KIRREL3: variants seen among roughly 807,000 people sequenced by gnomAD.
The protein encoded by KIRREL3 is kirre like nephrin family adhesion molecule 3.
KIRREL3 carries 36 observed loss-of-function variants against 89.7 expected under a neutral mutation model. That is an observed-to-expected ratio of 0.40 (90% CI 0.31 to 0.53). The LOEUF (loss-of-function observed/expected upper bound fraction) is 0.53, where lower values mean the gene tolerates loss of function less well. Ranked by LOEUF, KIRREL3 falls within the 20% of genes least tolerant of loss-of-function variation. KIRREL3 has a pLI of 0.49. For missense variants in KIRREL3, 864 were observed against 1,056.6 expected (o/e 0.82, Z 2.53); for synonymous variants, 445 against 441.4 (o/e 1.01, Z -0.10).
intron 1 of KIRREL3, chr11:126,936,556 A>G (rs956323025): frequency 1.0e-5 from 1 of 95,254 alleles, no homozygotes; most frequent in African/African-American, 4.6e-5. Flanking sequence ...GCTATTCAGC[A>G]AAAAAAAAAA....
rs10893517 is a variant in KIRREL3 at position 126,474,525 on chromosome 11, C to T, written c.434-1059G>A. Among the ~76,000 whole-genome samples the T allele has an allele frequency of 0.064, 9,766 of 152,264 alleles. 516 individuals carry two copies. The highest frequency in any genetic ancestry group is 0.26 in the East Asian group (1,320 of 5,152). ...CCAGCGCTTCGGAGGGCTGTGTAAGCGCTGGCATCTCCTGAGCTCCTCACT... is the reference window on the plus strand; with the variant it reads ...CCAGCGCTTCGGAGGGCTGTGTAAGTGCTGGCATCTCCTGAGCTCCTCACT... On this transcript the variant is annotated intron_variant, in intron 4 of 16. Transcript: ENST00000525144. This position sits in a 1 kb window ranked among gnomAD's most constrained non-coding sequence, Gnocchi z 6.7.
rs1220355442 is a variant in KIRREL3, at chr11:126,896,993, G to A, written c.55+103462C>T. Among the ~76,000 whole-genome samples the A allele has an allele frequency of 1.3e-5, 2 of 152,126 alleles. No individual in the cohort carries two copies. The highest frequency in any genetic ancestry group is 1.9e-4 in the East Asian group (1 of 5,196). ...ATCAAAAGATTCTAAGAAGAGGCCA[G>A]GGAAAGAGCAGACCATCCAAGTACC... On this transcript the variant is annotated intron_variant, in intron 1 of 16. Coordinates refer to ENST00000525144, the MANE Select transcript of KIRREL3 (RefSeq NM_032531.4). This position sits in a 1 kb window ranked among gnomAD's most constrained non-coding sequence, Gnocchi z 4.1.
intron 1 of KIRREL3, among the ~76,000 whole-genome samples, chr11:126,894,963 A>G (rs750234641): frequency 7.2e-5 from 11 of 151,772 alleles, no homozygotes; most frequent in Non-Finnish European, 1.2e-4. Context: ...GTCCTGAGAT[A>G]AGATCATTCA....
rs188971161 is a variant in KIRREL3, at chr11:126,717,107, C to T, written c.56-154195G>A. Among the ~76,000 whole-genome samples, 37 of 152,272 alleles carry T rather than the reference C, an allele frequency of 2.4e-4. No homozygotes were observed. The East Asian group carries it at 5.0e-3, about 21-fold the overall frequency. Reference sequence around the variant, plus strand: ...TCAAACATCACTTTAAAACAAAGAACGCCACAAAGGGAGATTTCTTTGCCT... The same window carrying T: ...TCAAACATCACTTTAAAACAAAGAATGCCACAAAGGGAGATTTCTTTGCCT... On this transcript the variant is annotated intron_variant, in intron 1 of 16. Coordinates refer to ENST00000525144, the MANE Select transcript of KIRREL3 (RefSeq NM_032531.4).
intron 1 of KIRREL3, among the ~76,000 whole-genome samples, chr11:126,866,646 A>G (rs1944932987): frequency 6.7e-6 from 1 of 148,646 alleles, no homozygotes; most frequent in South Asian, 2.2e-4. Context: ...CACCCTCCTC[A>G]CTGCCCCCCC....
rs1940772038 is a variant in KIRREL3 at position 126,569,570 on chromosome 11, G to A, written c.56-6658C>T. On this transcript the variant is annotated intron_variant, in intron 1 of 16. Transcript: ENST00000525144. This position sits in a 1 kb window ranked among gnomAD's most constrained non-coding sequence, Gnocchi z 6.5. ...GCCCAAAGATACTATAATCCAGTTG[G>A]CTATACAAGACATATACTTAAGAAA... is the stretch of plus-strand genomic sequence containing the variant. Among the ~76,000 whole-genome samples the A allele has an allele frequency of 6.6e-6, 1 of 152,188 alleles. No individual in the cohort carries two copies. The highest frequency in any genetic ancestry group is 6.5e-5 in the Admixed American group (1 of 15,284).
At chr11:126,457,185 A>ATGTGTGTGTGTG (rs35883463) in intron 6 of KIRREL3, among the ~76,000 whole-genome samples, 214 of 143,022 alleles carry the variant, frequency 1.5e-3, no homozygotes, top group African/African-American at 5.2e-3. Context: ...AAGAGAGATT[A>ATGTGTGTGTGTG]TGTGTGTGTG....
intron 2 of KIRREL3, among the ~76,000 whole-genome samples, chr11:126,552,207 G>A (rs1029817282): frequency 4.6e-5 from 7 of 151,678 alleles, no homozygotes; most frequent in African/African-American, 1.7e-4. Context: ...ACCTTTGGAA[G>A]GGACATTGGG....
chr11:126,467,553 C>T (rs769588820), intron 5 of KIRREL3, among the ~76,000 whole-genome samples: 9 of 152,030 alleles, frequency 5.9e-5, no homozygotes, highest in East Asian at 3.9e-4. Context: ...CTGGAAAGGC[C>T]GAGAGTAGCC....
At chr11:126,584,058 A>T (rs1054025624) in intron 1 of KIRREL3, among the ~76,000 whole-genome samples, 1 of 152,224 alleles carries the variant, frequency 6.6e-6, no homozygotes, top group African/African-American at 2.4e-5. Context: ...CAGCGTGCAC[A>T]ATCTGGTGGC....
intron 1 of KIRREL3, among the ~76,000 whole-genome samples, chr11:126,741,338 C>T (rs1432450513): frequency 3.3e-5 from 5 of 152,164 alleles, no homozygotes; most frequent in Admixed American, 6.5e-5. Context: ...TTTCAATTCC[C>T]TTACTTAATA....
In KIRREL3 at chr11:126,508,989, C is replaced by T. The variant is rs1190443222; in HGVS notation, c.433+12326G>A. On this transcript the variant is annotated intron_variant, in intron 4 of 16. Coordinates refer to ENST00000525144, the MANE Select transcript of KIRREL3 (RefSeq NM_032531.4). This position sits in a 1 kb window ranked among gnomAD's most constrained non-coding sequence, Gnocchi z 4.9. ...TGGCTGAACTTAGATCTCCTCATCC[C>T]TGCCTAGTGGGGCACATGCAGGGTG... Among the ~76,000 whole-genome samples, 2 of 152,200 alleles carry T rather than the reference C, an allele frequency of 1.3e-5. No individual in the cohort carries two copies. The highest frequency in any genetic ancestry group is 2.4e-5 in the African/African-American group (1 of 41,442).
rs1459036261 is a variant in KIRREL3 at position 126,668,699 on chromosome 11, TTCTTTC to T, written c.56-105793_56-105788del. Reference sequence around the variant, plus strand: ...GCTGTTGGGAAGTTTCTGTTTTTCTTTCTTTCTTTCTTTCTTTCTTTCTTTCTTTCT... The same window carrying T: ...GCTGTTGGGAAGTTTCTGTTTTTCTTTTTCTTTCTTTCTTTCTTTCTTTCT... On this transcript the variant is annotated intron_variant, in intron 1 of 16. Transcript: ENST00000525144. The surrounding 1 kb of genome is among the most constrained non-coding windows in gnomAD (Gnocchi z 4.4). Among the ~76,000 whole-genome samples the T allele has an allele frequency of 5.1e-5, 3 of 59,288 alleles. No homozygotes were observed. The highest frequency in any genetic ancestry group is 7.9e-5 in the Non-Finnish European group (2 of 25,274). The allele number at this position is 59,288 out of a possible 152,430, so 38.9% of individuals were successfully genotyped here.
chr11:126,622,696 C>T lies in KIRREL3; in HGVS notation c.56-59784G>A, dbSNP rs1943623011. On this transcript the variant is annotated intron_variant, in intron 1 of 16. Transcript: ENST00000525144. The surrounding 1 kb of genome is among the most constrained non-coding windows in gnomAD (Gnocchi z 5.2). ...AAGAGCGAAACTCTGTCTCAAAAAA[C>T]AAAAAAACAAATAAAAACTCCACAA... 6.6e-6 allele frequency among the ~76,000 whole-genome samples: 1 copy of T among 151,954 alleles called. No individual in the cohort carries two copies. Among genetic ancestry groups the T allele is most frequent in the Non-Finnish European group, 1.5e-5 (1 of 67,972 alleles).
At chr11:126,493,910 C>T (rs759305697) in intron 4 of KIRREL3, among the ~76,000 whole-genome samples, 74 of 152,096 alleles carry the variant, frequency 4.9e-4, no homozygotes, top group Non-Finnish European at 8.7e-4. Context: ...TGCAGGCCGT[C>T]CAGCACCACC....
At chr11:126,540,963 G>A (rs996575304) in intron 2 of KIRREL3, among the ~76,000 whole-genome samples, 7 of 152,310 alleles carry the variant, frequency 4.6e-5, no homozygotes, top group African/African-American at 1.7e-4. Context: ...ATGTGTTGGA[G>A]CAGCATGGAA....
At chr11:126,577,268 A>G (rs1941302609) in intron 1 of KIRREL3, among the ~76,000 whole-genome samples, 1 of 152,108 alleles carries the variant, frequency 6.6e-6, no homozygotes, top group Admixed American at 6.5e-5. Context: ...AATTCATCAA[A>G]ATGTCACCTG....
chr11:126,532,083 C>G (rs1958961137), intron 2 of KIRREL3, among the ~76,000 whole-genome samples: 1 of 152,234 alleles, frequency 6.6e-6, no homozygotes, highest in Non-Finnish European at 1.5e-5. Context: ...GGAAGATTTA[C>G]TTGATGCCAC....
rs1401370219 is a variant in KIRREL3, at chr11:126,523,769, C to T, written c.284-2305G>A. On this transcript the variant is annotated intron_variant, in intron 3 of 16. Coordinates refer to ENST00000525144, the MANE Select transcript of KIRREL3 (RefSeq NM_032531.4). The surrounding 1 kb of genome is among the most constrained non-coding windows in gnomAD (Gnocchi z 4.9). ...GCTACCCCCAGCCCCTCCAGCCCAG[C>T]CTCTGGATCCCACTATCCTGTGATT... Among the ~76,000 whole-genome samples, 3 of 152,314 alleles carry T rather than the reference C, an allele frequency of 2.0e-5. No homozygotes were observed. Among genetic ancestry groups the T allele is most frequent in the East Asian group, 3.9e-4 (2 of 5,178 alleles).
Sources: allele counts gnomAD v4.1 joint callset (sites outside exome capture counted in the v4.1 genomes callset), GRCh38; gene constraint gnomAD v4.1.1; non-coding constraint Gnocchi (gnomAD v3.1); transcripts MANE v1.5; gene names NCBI Gene and HGNC (gene_info 2026-07-23, HGNC 2026-07-21).